PPFIA3: variants seen among roughly 807,000 people sequenced by gnomAD.
PPFIA3 encodes liprin-alpha-3.
PPFIA3 carries 26 observed loss-of-function variants against 145.8 expected under a neutral mutation model. The observed-to-expected ratio is 0.18, with a 90% CI of 0.13 to 0.25. PPFIA3 has a LOEUF of 0.25. Among genes scored for constraint, PPFIA3 ranks in the 10% least tolerant of loss-of-function variants. PPFIA3 has a pLI of 1.00. For missense variants in PPFIA3, 1,008 were observed against 1,587.8 expected, an observed-to-expected ratio of 0.63 and a Z score of 6.21; for synonymous variants, 645 against 661.4, an observed-to-expected ratio of 0.98 and a Z score of 0.38.
At chr19:49,143,142 C>T in intron 21 of PPFIA3, 138 bp downstream of exon 21, 2 of 985,842 alleles carry the variant, frequency 2.0e-6, no homozygotes, top group Non-Finnish European at 3.0e-6. Flanking sequence ...CCTCAGCCTC[C>T]CCTCCACTCC....
intron 11 of PPFIA3, 73 bp from the exon 12 acceptor site, chr19:49,134,566 C>T: frequency 7.1e-7 from 1 of 1,414,482 alleles, no homozygotes. Context: ...TCTGTGTGCA[C>T]TGGGAGCTGC....
Position 49,128,245 on chromosome 19 carries a change from A to C in PPFIA3, c.241-122A>C. The C allele has an allele frequency of 1.3e-6, 2 of 1,484,796 alleles. No individual in the cohort carries two copies. The highest frequency in any genetic ancestry group is 2.4e-5 in the South Asian group (2 of 81,910). 92.0% of individuals were successfully genotyped at this position (1,484,796 alleles called of 1,614,324 possible). ...GCTTGCCGTTAATGGGCGGGGCCTGAGTGGCAAGGGACAGCGGGACTTAGC... is the reference window on the plus strand; with the variant it reads ...GCTTGCCGTTAATGGGCGGGGCCTGCGTGGCAAGGGACAGCGGGACTTAGC... On this transcript the variant is annotated intron_variant, in intron 2 of 29. Transcript: ENST00000334186. The surrounding 1 kb of genome is among the most constrained non-coding windows in gnomAD (Gnocchi z 4.1).
At chr19:49,140,250 G>A (rs1445515472) in intron 18 of PPFIA3, among the ~76,000 whole-genome samples, 162 bp downstream of exon 18, 1 of 152,184 alleles carries the variant, frequency 6.6e-6, no homozygotes, top group Non-Finnish European at 1.5e-5. Flanking sequence ...GTAGGCGGGA[G>A]GAGGAGGGAA....
rs1238207988 is a variant in PPFIA3 at position 49,131,759 on chromosome 19, C to G, written c.879+1160C>G. Among the ~76,000 whole-genome samples the G allele has an allele frequency of 2.0e-5, 3 of 151,338 alleles. No homozygotes were observed. In the East Asian group the frequency reaches 5.9e-4, roughly 30 times the overall value. ...GGTGCGGTGGTTCACGCCTGTAATCCCAGCACTTTGGGAGGCCGAGGCGGG... is the reference window on the plus strand; with the variant it reads ...GGTGCGGTGGTTCACGCCTGTAATCGCAGCACTTTGGGAGGCCGAGGCGGG... On this transcript the variant is annotated intron_variant, in intron 7 of 29. Transcript: ENST00000334186.
At chr19:49,144,421 CG>C (rs1437217832) in intron 21 of PPFIA3, among the ~76,000 whole-genome samples, 1 of 152,062 alleles carries the variant, frequency 6.6e-6, no homozygotes, top group African/African-American at 2.4e-5. Flanking sequence ...CGTGTCAGCA[CG>C]TAAGTTTAGG....
rs1423725010 is a variant in PPFIA3 at position 49,139,843 on chromosome 19, C to G, written c.2240+12C>G. On this transcript the variant is annotated intron_variant, in intron 17 of 29. Coordinates refer to ENST00000334186, the MANE Select transcript of PPFIA3 (RefSeq NM_003660.4). ...CCCCCACGGGGAAGGTCAGCAGGGACAAGGGATAGGGACAGGGAGAAGCTG... is the reference window on the plus strand; with the variant it reads ...CCCCCACGGGGAAGGTCAGCAGGGAGAAGGGATAGGGACAGGGAGAAGCTG... 2.5e-6 allele frequency: 4 copies of G among 1,609,654 alleles called. No individual in the cohort carries two copies. The South Asian group carries it at 4.4e-5, about 18-fold the overall frequency.
chr19:49,134,967 C>A (rs371059547), intron 13 of PPFIA3, 52 bp downstream of exon 13: 1 of 1,448,290 alleles, frequency 6.9e-7, no homozygotes, highest in Non-Finnish European at 9.3e-7. Flanking sequence ...GTTGGCCAAG[C>A]GCCAAGCTCC....
In PPFIA3 at chr19:49,133,857, A is replaced by C; in HGVS notation, c.1223A>C (p.Glu408Ala). 1.2e-6 allele frequency: 2 copies of C among 1,612,808 alleles called. No individual in the cohort carries two copies. Among genetic ancestry groups the C allele is most frequent in the Non-Finnish European group, 8.5e-7 (1 of 1,179,974 alleles). ...RLRQLEAQLE[E>A]KNQELQRARQ... is the part of the protein sequence containing the mutation. ...CGGCAGCTGGAGGCCCAGCTGGAAG[A>C]GAAGAATCAAGAGCTGCAGCGGGTG... is the stretch of plus-strand genomic sequence containing the variant. Residue 408 changes from glutamate to alanine, a missense_variant, in exon 10 of 30, where the codon GAG (glutamate) becomes GCG (alanine). By Grantham distance (107) the Glu-to-Ala change is moderately radical. Transcript: ENST00000334186. This position sits in a 1 kb window ranked among gnomAD's most constrained non-coding sequence, Gnocchi z 7.2.
rs187236985 is a variant in PPFIA3, at chr19:49,143,443, G to A, written c.2745+439G>A. 1.4e-3 allele frequency among the ~76,000 whole-genome samples: 218 copies of A among 151,940 alleles called. 1 individual carries two copies. Among genetic ancestry groups the A allele is most frequent in the African/African-American group, 4.9e-3 (202 of 41,406 alleles). On this transcript the variant is annotated intron_variant, in intron 21 of 29. Coordinates refer to ENST00000334186, the MANE Select transcript of PPFIA3 (RefSeq NM_003660.4). ...GCTGGAGTGCAATGGCGCTATCTCC[G>A]CTCACTGCAACCCCTGCCTCCCGGG...
intron 24 of PPFIA3, 82 bp downstream of exon 24, chr19:49,148,340 G>A: frequency 2.1e-6 from 3 of 1,431,030 alleles, no homozygotes; most frequent in Non-Finnish European, 1.9e-6. Context: ...TTGGCCATGG[G>A]AGATTCCCAG....
intron 1 of PPFIA3, among the ~76,000 whole-genome samples, chr19:49,126,388 A>C (rs1240474674): frequency 6.6e-6 from 1 of 151,956 alleles, no homozygotes; most frequent in Non-Finnish European, 1.5e-5. Context: ...GGCTGGGACT[A>C]CAGGTGCATG....
At position 49,138,422 on chromosome 19, in the gene PPFIA3, A is replaced by G; in HGVS notation, c.2071A>G (p.Lys691Glu). The change falls in exon 16 of 30, where the codon AAG becomes GAG. Residue 691 changes from lysine to glutamate, a missense_variant. Transcript: ENST00000334186. ...PPSPAREGTD[K>E]ANHVPKEEAG... is the part of the protein sequence containing the mutation. ...TAGCCCTGCCCGTGAGGGCACCGAC[A>G]AGGCTGTGAGTGCTCTGAAGTCTCC... 6.5e-7 allele frequency: 1 copy of G among 1,540,716 alleles called. No individual in the cohort carries two copies. The highest frequency in any genetic ancestry group is 8.8e-7 in the Non-Finnish European group (1 of 1,142,436).
At position 49,145,851 on chromosome 19, in the gene PPFIA3, C is replaced by T. The variant is rs145419481; in HGVS notation, c.2746-92C>T. On this transcript the variant is annotated intron_variant, in intron 21 of 29. Transcript: ENST00000334186. ...CCCCAGAAAGCAGGAGGGACATAAACGTGTGGCCCAGGGCCTTCAGGAGGA... is the reference window on the plus strand; with the variant it reads ...CCCCAGAAAGCAGGAGGGACATAAATGTGTGGCCCAGGGCCTTCAGGAGGA... 1.7e-4 allele frequency: 194 copies of T among 1,118,036 alleles called. No homozygotes were observed. The African/African-American group carries it at 2.7e-3, about 15-fold the overall frequency. The allele number at this position is 1,118,036 out of a possible 1,614,324, so 69.3% of individuals were successfully genotyped here.
Position 49,130,688 on chromosome 19 carries a change from C to T in PPFIA3, c.879+89C>T, listed in dbSNP as rs2041059017. ...GCATTGCTCATGAATGGCGGAACCT[C>T]GATTCAGTCCACAGGCTGGGTGACT... On this transcript the variant is annotated intron_variant, in intron 7 of 29. Transcript: ENST00000334186. The surrounding 1 kb of genome is among the most constrained non-coding windows in gnomAD (Gnocchi z 4.5). 1.5e-5 allele frequency: 17 copies of T among 1,126,036 alleles called. No homozygotes were observed. In the South Asian group the frequency reaches 1.7e-4, roughly 11 times the overall value. 69.8% of individuals were successfully genotyped at this position (1,126,036 alleles called of 1,614,324 possible).
At chr19:49,145,915 C>G (rs910184170) in intron 21 of PPFIA3, 28 bp from the exon 22 acceptor site, 55 of 1,607,676 alleles carry the variant, frequency 3.4e-5, no homozygotes, top group Non-Finnish European at 4.7e-5. Context: ...CCCTCTCCCA[C>G]CATCCATTAA....
chr19:49,148,534 T>C, intron 24 of PPFIA3, 132 bp from the exon 25 acceptor site: 1 of 796,622 alleles, frequency 1.3e-6, no homozygotes, highest in Non-Finnish European at 2.1e-6. Flanking sequence ...CCTGAGGGGG[T>C]CAACAGTCAA....
Position 49,139,567 on chromosome 19 carries a change from C to G in PPFIA3, c.2077-101C>G, listed in dbSNP as rs544357355. 6.4e-5 allele frequency: 83 copies of G among 1,293,254 alleles called. 1 individual carries two copies. In the African/African-American group the frequency reaches 1.0e-3, roughly 16 times the overall value. The allele number at this position is 1,293,254 out of a possible 1,614,324, so 80.1% of individuals were successfully genotyped here. A position where few individuals can be genotyped will look rare whatever the true frequency, so the allele number is the denominator to read the frequency against. On this transcript the variant is annotated intron_variant, in intron 16 of 29. Coordinates refer to ENST00000334186, the MANE Select transcript of PPFIA3 (RefSeq NM_003660.4). ...TACCTTCGTATACTGTGTTCTAAAC[C>G]AGGGTCACCCCACACACACCTTAGT...
chr19:49,138,069 A>G, intron 15 of PPFIA3, 136 bp from the exon 16 acceptor site: 2 of 1,338,762 alleles, frequency 1.5e-6, no homozygotes, highest in Non-Finnish European at 1.9e-6. Context: ...AACCCACCAA[A>G]GTCCTCTGAC....
At chr19:49,121,410 G>C (rs2040934694) in intron 1 of PPFIA3, among the ~76,000 whole-genome samples, 1 of 152,074 alleles carries the variant, frequency 6.6e-6, no homozygotes, top group South Asian at 2.1e-4. Context: ...CCTAGGCTCA[G>C]GTCATCTTCC....
Sources: gnomAD v4.1 joint callset for allele counts (sites outside exome capture counted in the v4.1 genomes callset) on GRCh38, gnomAD v4.1.1 for gene constraint, Gnocchi (gnomAD v3.1) non-coding constraint, MANE v1.5 for transcripts, NCBI Gene and HGNC (gene_info 2026-07-23, HGNC 2026-07-21) for gene names.